ANO4: variants seen among roughly 807,000 people sequenced by gnomAD.
ANO4 encodes anoctamin 4, also known as anoctamin-4.
ANO4 carries 69 observed loss-of-function variants against 141.9 expected under a neutral mutation model. That is an observed-to-expected ratio of 0.49 (90% CI 0.40 to 0.59). The LOEUF (loss-of-function observed/expected upper bound fraction) is 0.59. Among genes scored for constraint, ANO4 ranks in the 20% least tolerant of loss-of-function variants. ANO4 has a pLI of 0.00. For synonymous variants in ANO4, 350 were observed against 394.3 expected (o/e 0.89, Z 1.33); for missense variants, 894 against 1,162.2 (o/e 0.77, Z 3.36).
chr12:101,111,258 CTG>C (rs2050654979), intron 23 of ANO4, among the ~76,000 whole-genome samples: 1 of 152,174 alleles, frequency 6.6e-6, no homozygotes, highest in East Asian at 1.9e-4. Flanking sequence ...AGCTCCCAGT[CTG>C]GTGGGGCTTG....
At chr12:100,761,128 C>T (rs1270046930) in intron 3 of ANO4, among the ~76,000 whole-genome samples, 2 of 151,988 alleles carry the variant, frequency 1.3e-5, no homozygotes, top group Non-Finnish European at 2.9e-5. Context: ...TCTTTTGTTC[C>T]AACTCCTAAC....
chr12:101,106,424 G>T (rs886759836), intron 22 of ANO4, among the ~76,000 whole-genome samples: 19 of 151,764 alleles, frequency 1.3e-4, no homozygotes, highest in African/African-American at 4.4e-4. Flanking sequence ...TATAGATCAA[G>T]ATAATATCTC....
intron 1 of ANO4, among the ~76,000 whole-genome samples, chr12:100,799,991 GTCCA>G (rs1263031603): frequency 6.6e-6 from 1 of 152,098 alleles, no homozygotes; most frequent in Non-Finnish European, 1.5e-5. Context: ...TCTCACTGGT[GTCCA>G]TTATTTCTGG....
intron 3 of ANO4, among the ~76,000 whole-genome samples, chr12:100,784,858 G>T (rs2033816441): frequency 6.6e-6 from 1 of 152,140 alleles, no homozygotes; most frequent in Non-Finnish European, 1.5e-5. Flanking sequence ...CCGTTTGTCT[G>T]TGTGCTTGCC....
intron 3 of ANO4, among the ~76,000 whole-genome samples, chr12:100,744,096 T>C (rs763529097): frequency 6.6e-6 from 1 of 152,228 alleles, no homozygotes; most frequent in African/African-American, 2.4e-5. Context: ...TTTTCATGTC[T>C]GATTTCTCTG....
chr12:100,781,659 T>C (rs2033715235), intron 3 of ANO4, among the ~76,000 whole-genome samples: 1 of 152,220 alleles, frequency 6.6e-6, no homozygotes. Context: ...ATTGCGTATT[T>C]CTATAGCTCT....
intron 1 of ANO4, among the ~76,000 whole-genome samples, chr12:100,805,015 A>G (rs191272429): frequency 9.4e-4 from 143 of 152,296 alleles, no homozygotes; most frequent in African/African-American, 3.1e-3. Flanking sequence ...TTTCATGTGA[A>G]GTCTTTGCCC....
At chr12:100,969,046 G>C (rs781107511) in intron 5 of ANO4, among the ~76,000 whole-genome samples, 1 of 152,150 alleles carries the variant, frequency 6.6e-6, no homozygotes, top group African/African-American at 2.4e-5. Context: ...CCACTCCCTG[G>C]ACAGGCACCT....
intron 3 of ANO4, among the ~76,000 whole-genome samples, chr12:100,933,076 G>A (rs2042145196): frequency 6.6e-6 from 1 of 151,062 alleles, no homozygotes; most frequent in Non-Finnish European, 1.5e-5. Context: ...GAGTTGCATG[G>A]TAGTTTTGCA....
chr12:101,023,408 T>A (rs1353175607), intron 9 of ANO4, among the ~76,000 whole-genome samples: 1 of 152,204 alleles, frequency 6.6e-6, no homozygotes, highest in Non-Finnish European at 1.5e-5. Context: ...CATTGGCTCA[T>A]GCCTGGAATC....
intron 3 of ANO4, among the ~76,000 whole-genome samples, chr12:100,777,045 G>T (rs2033534661): frequency 6.6e-6 from 1 of 151,014 alleles, no homozygotes; most frequent in African/African-American, 2.4e-5. Flanking sequence ...GGAAGATGAA[G>T]AAAAGCAATT....
At chr12:100,963,498 GTGTGTGTCTGTGTGTGTGTGTGTA>G (rs1214178133) in intron 5 of ANO4, among the ~76,000 whole-genome samples, 1 of 152,062 alleles carries the variant, frequency 6.6e-6, no homozygotes, top group African/African-American at 2.4e-5. Flanking sequence ...GTCTGTGTGT[GTGTGTGTCTGTGTGTGTGTGTGTA>G]TGTGTTGCAG....
intron 3 of ANO4, among the ~76,000 whole-genome samples, chr12:100,923,335 G>A (rs1337527934): frequency 6.8e-6 from 1 of 146,742 alleles, no homozygotes; most frequent in Non-Finnish European, 1.5e-5. Flanking sequence ...CCTGCCCTGT[G>A]TCCAAATCAT....
At chr12:101,011,476 G>A (rs2046091214) in intron 8 of ANO4, among the ~76,000 whole-genome samples, 1 of 151,994 alleles carries the variant, frequency 6.6e-6, no homozygotes, top group Non-Finnish European at 1.5e-5. Context: ...CTCATGCTCT[G>A]CATCAGGTGA....
chr12:100,969,830 A>T (rs1157780808), intron 5 of ANO4, among the ~76,000 whole-genome samples: 2 of 152,236 alleles, frequency 1.3e-5, no homozygotes, highest in African/African-American at 4.8e-5. Flanking sequence ...ATCCTATATG[A>T]GAAAGATGGG....
intron 3 of ANO4, among the ~76,000 whole-genome samples, chr12:100,775,707 G>A (rs1385203473): frequency 6.6e-6 from 1 of 152,158 alleles, no homozygotes; most frequent in Non-Finnish European, 1.5e-5. Context: ...AGAAATAAGA[G>A]CACAGCATTC....
intron 26 of ANO4, among the ~76,000 whole-genome samples, 161 bp downstream of exon 26, chr12:101,120,786 GA>G: frequency 6.6e-6 from 1 of 152,166 alleles, no homozygotes; most frequent in East Asian, 1.9e-4. Flanking sequence ...TTTCTTAATT[GA>G]AGTATTTGAT....
chr12:100,832,167 G>T (rs1024260610), intron 1 of ANO4, among the ~76,000 whole-genome samples: 7 of 152,028 alleles, frequency 4.6e-5, no homozygotes, highest in Admixed American at 3.3e-4. Context: ...AATCCTCTGT[G>T]TAAGCTTTGA....
At chr12:101,077,814 G>A (rs1368685442) in intron 14 of ANO4, among the ~76,000 whole-genome samples, 2 of 152,140 alleles carry the variant, frequency 1.3e-5, no homozygotes, top group Non-Finnish European at 2.9e-5. Context: ...AAACTTAGGG[G>A]AAAAACACTT....
Sources: allele counts gnomAD v4.1 joint callset (sites outside exome capture counted in the v4.1 genomes callset), GRCh38; gene constraint gnomAD v4.1.1; transcripts MANE v1.5; gene names NCBI Gene and HGNC (gene_info 2026-07-23, HGNC 2026-07-21).